Variants in BCKDHB observed in about 807,000 individuals in gnomAD.
The protein encoded by BCKDHB is 2-oxoisovalerate dehydrogenase subunit beta, mitochondrial.
In BCKDHB, 41 loss-of-function variants were observed where a neutral mutation model predicts 48.5. That is an observed-to-expected ratio of 0.85 (90% CI 0.66 to 1.10). The LOEUF (loss-of-function observed/expected upper bound fraction) is 1.10, where lower values mean the gene tolerates loss of function less well. Ranked by LOEUF, BCKDHB falls within the 50% of genes least tolerant of loss-of-function variation. The pLI is 0.00. For missense variants in BCKDHB, 496 were observed against 494.2 expected (o/e 1.00, Z -0.03); for synonymous variants, 201 against 174.8 (o/e 1.15, Z -1.18).
intron 3 of BCKDHB, 102 bp downstream of exon 3, chr6:80,129,331 T>C: frequency 1.1e-6 from 1 of 916,372 alleles, no homozygotes; most frequent in Middle Eastern, 3.3e-4. Context: ...ATCCCCATTG[T>C]ATGGATGAAT....
chr6:80,301,096 C>T (rs771432381), intron 9 of BCKDHB, among the ~76,000 whole-genome samples: 10 of 150,424 alleles, frequency 6.6e-5, no homozygotes, highest in Non-Finnish European at 1.0e-4. Flanking sequence ...AGAAAGGTTT[C>T]GAATTAACAA....
At chr6:80,356,440 T>G in the BCKDHB span, 30 of 152,202 alleles carry the variant, frequency 2.0e-4, no homozygotes, top group Admixed American at 1.6e-3. Context: ...TGTACAATTT[T>G]CAAATGATGA....
intron 9 of BCKDHB, among the ~76,000 whole-genome samples, chr6:80,341,699 T>C (rs1259498438): frequency 2.6e-5 from 4 of 152,368 alleles, no homozygotes; most frequent in Non-Finnish European, 2.9e-5. Context: ...GAACAGTCAT[T>C]TTATAACAGG....
intron 9 of BCKDHB, among the ~76,000 whole-genome samples, chr6:80,325,934 A>C (rs983046239): frequency 6.6e-6 from 1 of 152,182 alleles, no homozygotes; most frequent in Non-Finnish European, 1.5e-5. Context: ...AGGGATACTA[A>C]GGAAACAAGA....
At chr6:80,404,862 C>T in the BCKDHB span, among the ~76,000 whole-genome samples, 720 of 152,090 alleles carry the variant, frequency 4.7e-3, 3 homozygotes, top group African/African-American at 0.015. Context: ...CAGTTTGTCT[C>T]CTGTTATTGA....
At chr6:80,275,619 T>G (rs1305931093) in intron 9 of BCKDHB, among the ~76,000 whole-genome samples, 2 of 152,068 alleles carry the variant, frequency 1.3e-5, no homozygotes, top group African/African-American at 4.8e-5. Flanking sequence ...AATGTTTGCC[T>G]GTTATGGCTT....
chr6:80,234,829 T>TTA (rs34504496), intron 8 of BCKDHB, among the ~76,000 whole-genome samples: 77,427 of 150,464 alleles, frequency 0.51, 20,126 homozygotes, highest in East Asian at 0.68. Flanking sequence ...AGACAATGTT[T>TTA]TATATATATA....
chr6:80,221,092 A>T (rs74588521), intron 8 of BCKDHB, among the ~76,000 whole-genome samples: 5,415 of 152,136 alleles, frequency 0.036, 311 homozygotes, highest in African/African-American at 0.12. Context: ...GGGGAAGTGG[A>T]GCAATTGATA....
chr6:80,169,015 T>G lies in BCKDHB; in HGVS notation c.618T>G (p.His206Gln), dbSNP rs1478095630. 6.2e-7 allele frequency: 1 copy of G among 1,614,122 alleles called. No individual in the cohort carries two copies. The highest frequency in any genetic ancestry group is 1.7e-5 in the Admixed American group (1 of 60,020). The change falls in exon 5 of 10, where the codon CAT becomes CAG. Residue 206 changes from histidine (H) to glutamine (Q), a missense_variant. Transcript: ENST00000320393. Reference protein sequence around the residue: ...HSQSPEAFFAHCPGIKVVIPR... With the variant: ...HSQSPEAFFAQCPGIKVVIPR... ...AGAGTCCTGAAGCATTTTTTGCCCA[T>G]TGCCCAGGAATCAAGGTATGTTCAT... is the stretch of plus-strand genomic sequence containing the variant.
intron 6 of BCKDHB, among the ~76,000 whole-genome samples, chr6:80,198,895 T>C (rs938598265): frequency 3.9e-5 from 6 of 152,158 alleles, no homozygotes; most frequent in African/African-American, 1.4e-4. Flanking sequence ...AGAATCAGGT[T>C]TAGAGGCCAT....
chr6:80,334,596 G>A (rs1050387702), intron 9 of BCKDHB, among the ~76,000 whole-genome samples: 7 of 150,926 alleles, frequency 4.6e-5, no homozygotes, highest in Admixed American at 1.3e-4. Flanking sequence ...GCAAAACCAA[G>A]CTTTAAAGGC....
the BCKDHB span, among the ~76,000 whole-genome samples, chr6:80,427,019 T>C: frequency 3.9e-5 from 6 of 152,120 alleles, no homozygotes; most frequent in African/African-American, 1.4e-4. Flanking sequence ...TATTTGTATA[T>C]TTATTAGATA....
chr6:80,337,028 G>A (rs756725595), intron 9 of BCKDHB, among the ~76,000 whole-genome samples: 55 of 152,104 alleles, frequency 3.6e-4, no homozygotes, highest in Admixed American at 1.0e-3. Flanking sequence ...TTTTACATTC[G>A]TAAAGTTCTG....
the BCKDHB span, among the ~76,000 whole-genome samples, chr6:80,390,307 G>A: frequency 1.1e-5 from 1 of 94,524 alleles, no homozygotes; most frequent in Non-Finnish European, 2.2e-5. Context: ...AGGAATGAAG[G>A]TTTGGGTCAC....
intron 6 of BCKDHB, among the ~76,000 whole-genome samples, chr6:80,173,371 C>G (rs1773006038): frequency 6.6e-6 from 1 of 152,088 alleles, no homozygotes; most frequent in African/African-American, 2.4e-5. Context: ...GATATTGGCT[C>G]TTTCATAGCT....
chr6:80,348,017 T>C (rs1048605729), downstream of BCKDHB, among the ~76,000 whole-genome samples: 7 of 151,862 alleles, frequency 4.6e-5, no homozygotes, highest in Non-Finnish European at 8.8e-5. Flanking sequence ...TTAATTTCTG[T>C]GGTTTAATGT....
At chr6:80,147,222 C>T (rs553494093) in intron 3 of BCKDHB, among the ~76,000 whole-genome samples, 1 of 152,228 alleles carries the variant, frequency 6.6e-6, no homozygotes, top group East Asian at 1.9e-4. Context: ...ATAACTTCCC[C>T]AGGTTTCACA....
At position 80,169,043 on chromosome 6, in the gene BCKDHB, A is replaced by T; in HGVS notation, c.633+13A>T. 6.2e-7 allele frequency: 1 copy of T among 1,612,324 alleles called. No homozygotes were observed. Among genetic ancestry groups the T allele is most frequent in the Non-Finnish European group, 8.5e-7 (1 of 1,178,542 alleles). Reference sequence around the variant, plus strand: ...CCCAGGAATCAAGGTATGTTCATTTATGTACTTTATTTGATTTCTATTTGA... The same window carrying T: ...CCCAGGAATCAAGGTATGTTCATTTTTGTACTTTATTTGATTTCTATTTGA... On this transcript the variant is annotated intron_variant, in intron 5 of 9. Coordinates refer to ENST00000320393, the MANE Select transcript of BCKDHB (RefSeq NM_183050.4).
chr6:80,368,270 G>T, the BCKDHB span, among the ~76,000 whole-genome samples: 1 of 152,086 alleles, frequency 6.6e-6, no homozygotes, highest in Non-Finnish European at 1.5e-5. Flanking sequence ...TGTTCTTCCT[G>T]GTTCAGTTAG....
Sources: allele counts gnomAD v4.1 joint callset (sites outside exome capture counted in the v4.1 genomes callset), GRCh38; gene constraint gnomAD v4.1.1; transcripts MANE v1.5; gene names NCBI Gene and HGNC (gene_info 2026-07-23, HGNC 2026-07-21).